Variants in DDX10 observed in about 807,000 individuals in gnomAD.
DDX10 encodes DEAD-box helicase 10.
In DDX10, 74 loss-of-function variants were observed where a neutral mutation model predicts 104.3. The ratio of observed to expected loss-of-function variants is 0.71; its 90% CI spans 0.59 to 0.86. The LOEUF is 0.86. DDX10 is among the 40% of genes least tolerant of loss of function. DDX10 has a pLI of 0.00. For missense variants in DDX10, 952 were observed against 1,040.0 expected (o/e 0.92, Z 1.16); for synonymous variants, 351 against 353.4 (o/e 0.99, Z 0.08).
At chr11:108,909,101 G>A (rs1863633892) in intron 16 of DDX10, among the ~76,000 whole-genome samples, 1 of 152,176 alleles carries the variant, frequency 6.6e-6, no homozygotes, top group East Asian at 1.9e-4. Context: ...GCTTAGGGTG[G>A]CATCTCTAGA....
intron 2 of DDX10, among the ~76,000 whole-genome samples, chr11:108,674,889 C>A (rs554813700): frequency 6.6e-6 from 1 of 152,204 alleles, no homozygotes; most frequent in Non-Finnish European, 1.5e-5. Context: ...ACTCTCCTTA[C>A]TTCCCCCAGC....
intron 15 of DDX10, among the ~76,000 whole-genome samples, chr11:108,849,495 G>A (rs1862763652): frequency 6.6e-6 from 1 of 152,002 alleles, no homozygotes; most frequent in Non-Finnish European, 1.5e-5. Context: ...TTCTTTTCTG[G>A]AAGCTAAGGA....
At chr11:108,748,301 A>G (rs545479815) in intron 13 of DDX10, among the ~76,000 whole-genome samples, 1 of 152,274 alleles carries the variant, frequency 6.6e-6, no homozygotes, top group South Asian at 2.1e-4. Flanking sequence ...AGAGAGCGCC[A>G]GAGGAGGCTA....
intron 17 of DDX10, among the ~76,000 whole-genome samples, chr11:108,922,684 T>C (rs928396427): frequency 2.6e-5 from 4 of 152,282 alleles, no homozygotes; most frequent in Admixed American, 2.0e-4. Context: ...AGAATTGTTA[T>C]CTCCAGCACT....
intron 11 of DDX10, among the ~76,000 whole-genome samples, chr11:108,718,825 A>T (rs755390336): frequency 6.6e-6 from 1 of 152,192 alleles, no homozygotes; most frequent in African/African-American, 2.4e-5. Context: ...CTTGTGGATG[A>T]TTGTAGGGGA....
intron 13 of DDX10, among the ~76,000 whole-genome samples, chr11:108,812,821 A>G (rs1032606451): frequency 2.6e-5 from 4 of 151,936 alleles, no homozygotes; most frequent in Non-Finnish European, 4.4e-5. Flanking sequence ...GTTTTTACTG[A>G]AACTACAAGA....
At chr11:108,939,296 A>G (rs1864074396) in intron 17 of DDX10, among the ~76,000 whole-genome samples, 1 of 152,170 alleles carries the variant, frequency 6.6e-6, no homozygotes, top group African/African-American at 2.4e-5. Context: ...AGTATCATTC[A>G]TATCTGAGTT....
chr11:108,836,926 A>T (rs1358116296), intron 13 of DDX10, among the ~76,000 whole-genome samples: 1 of 152,202 alleles, frequency 6.6e-6, no homozygotes, highest in Non-Finnish European at 1.5e-5. Context: ...AGCTTCTGGT[A>T]ATTATAGATA....
intron 13 of DDX10, among the ~76,000 whole-genome samples, chr11:108,793,782 G>A (rs541298441): frequency 3.3e-5 from 5 of 152,038 alleles, no homozygotes; most frequent in African/African-American, 1.2e-4. Context: ...CCGTATGTTT[G>A]TACCCATTAA....
At chr11:108,910,761 G>C (rs1004370710) in intron 16 of DDX10, among the ~76,000 whole-genome samples, 7 of 144,802 alleles carry the variant, frequency 4.8e-5, no homozygotes, top group Admixed American at 2.1e-4. Context: ...GTGTGTGTGT[G>C]TGTGTGTGTG....
intron 16 of DDX10, among the ~76,000 whole-genome samples, chr11:108,901,696 C>T (rs775367940): frequency 1.3e-5 from 2 of 152,064 alleles, no homozygotes; most frequent in Non-Finnish European, 2.9e-5. Context: ...GAAATTTTTC[C>T]TCTGTGGCTC....
chr11:108,792,737 T>C (rs1192967572), intron 13 of DDX10, among the ~76,000 whole-genome samples: 1 of 152,216 alleles, frequency 6.6e-6, no homozygotes, highest in African/African-American at 2.4e-5. Context: ...TCTAGGTTCT[T>C]TTCACGTCCG....
chr11:108,769,951 T>C (rs907916341), intron 13 of DDX10, among the ~76,000 whole-genome samples: 2 of 152,186 alleles, frequency 1.3e-5, no homozygotes, highest in Non-Finnish European at 2.9e-5. Flanking sequence ...AAAAAAAATT[T>C]AGTGAGAAAG....
At chr11:108,786,858 C>T (rs1039937192) in intron 13 of DDX10, among the ~76,000 whole-genome samples, 6 of 152,094 alleles carry the variant, frequency 3.9e-5, no homozygotes, top group South Asian at 4.1e-4. Context: ...AGGATTAGTA[C>T]GATATATGAG....
intron 13 of DDX10, among the ~76,000 whole-genome samples, chr11:108,800,855 T>G (rs11821743): frequency 0.02 from 3,022 of 152,344 alleles, 109 homozygotes; most frequent in African/African-American, 0.069. Context: ...GAGTGTTTGA[T>G]CTACAAATGA....
At chr11:108,718,163 CAAA>C (rs5794602) in intron 11 of DDX10, among the ~76,000 whole-genome samples, 1 of 135,752 alleles carries the variant, frequency 7.4e-6, no homozygotes, top group Admixed American at 7.4e-5. Context: ...GGCTCTGTCT[CAAA>C]AAAAAAAAAA....
At position 108,761,235 on chromosome 11, in the gene DDX10, C is replaced by T. The variant is rs74649330; in HGVS notation, c.1965+37773C>T. On this transcript the variant is annotated intron_variant, in intron 13 of 17. Coordinates refer to ENST00000322536, the MANE Select transcript of DDX10 (RefSeq NM_004398.4). Reference sequence around the variant, plus strand: ...GGGCATGAGCGGATCTTTTTCAACTCAGTTGATTACTCAAAGCAGGGAAGT... The same window carrying T: ...GGGCATGAGCGGATCTTTTTCAACTTAGTTGATTACTCAAAGCAGGGAAGT... 3.6e-3 allele frequency among the ~76,000 whole-genome samples: 545 copies of T among 152,174 alleles called. 2 individuals carry two copies. The highest frequency in any genetic ancestry group is 0.013 in the African/African-American group (521 of 41,530).
rs763803588 is a variant in DDX10, at chr11:108,940,408, A to G, written c.2613A>G (p.Leu871=). The change falls in exon 18 of 18, where the codon CTA becomes CTG. Residue 871 remains leucine (L), a synonymous_variant. Coordinates refer to ENST00000322536, the MANE Select transcript of DDX10 (RefSeq NM_004398.4). The stretch of plus-strand genomic sequence containing the variant: ...ATGAAGAGCTGGTGTTACATCTGCT[A>G]AGAAGTCAAAGCTAAATACTTCCTG... ...AEDEELVLHL[L]RSQS The G allele has an allele frequency of 4.3e-6, 7 of 1,613,502 alleles. No homozygotes were observed. In the African/African-American group the frequency reaches 8.0e-5, roughly 18 times the overall value.
At chr11:108,912,065 A>C (rs1863688077) in intron 16 of DDX10, among the ~76,000 whole-genome samples, 1 of 152,194 alleles carries the variant, frequency 6.6e-6, no homozygotes, top group South Asian at 2.1e-4. Flanking sequence ...CGGTAACAAA[A>C]TTCCATAGAC....
Sources: gnomAD v4.1 joint callset for allele counts (sites outside exome capture counted in the v4.1 genomes callset) on GRCh38, gnomAD v4.1.1 for gene constraint, MANE v1.5 for transcripts, NCBI Gene and HGNC (gene_info 2026-07-23, HGNC 2026-07-21) for gene names.